EPHA5: variants seen among roughly 807,000 people sequenced by gnomAD.
EPHA5 encodes the protein EPH receptor A5.
In EPHA5, 60 loss-of-function variants were observed where a neutral mutation model predicts 105.0. The ratio of observed to expected loss-of-function variants is 0.57; its 90% CI spans 0.46 to 0.71. The LOEUF (loss-of-function observed/expected upper bound fraction) is 0.71. Among genes scored for constraint, EPHA5 ranks in the 30% least tolerant of loss-of-function variants. The probability of loss-of-function intolerance (pLI) is 0.00; values close to 1 mark genes in which losing one functional copy is unlikely to be tolerated. For missense variants in EPHA5, 1,218 were observed against 1,274.7 expected (o/e 0.96, Z 0.68); for synonymous variants, 513 against 449.1 (o/e 1.14, Z -1.80).
intron 3 of EPHA5, among the ~76,000 whole-genome samples, chr4:65,596,303 G>C (rs1743178670): frequency 6.6e-6 from 1 of 152,128 alleles, no homozygotes. Flanking sequence ...ATTTTTGACT[G>C]TGAAAATGGG....
chr4:65,534,781 T>C (rs922454245), intron 3 of EPHA5, among the ~76,000 whole-genome samples: 5 of 152,210 alleles, frequency 3.3e-5, no homozygotes, highest in Non-Finnish European at 5.9e-5. Flanking sequence ...TAGATTATTC[T>C]AGATGAGAGA....
rs570055094 is a variant in EPHA5 at position 65,574,144 on chromosome 4, A to G, written c.910+27497T>C. The G allele has an allele frequency of 5.7e-4, 920 of 1,607,892 alleles. 1 individual carries two copies. The highest frequency in any genetic ancestry group is 5.0e-4 in the Non-Finnish European group (583 of 1,175,644). ...AAGCAGCTGCGGAAGCCCAGACACC[A>G]GGAAGGTGAGATCTTCGACACAGAA... On this transcript the variant is annotated intron_variant, in intron 3 of 16. Coordinates refer to ENST00000613740, the MANE Select transcript of EPHA5 (RefSeq NM_001281766.3).
At chr4:65,379,993 T>A (rs1449258382) in intron 8 of EPHA5, among the ~76,000 whole-genome samples, 1 of 151,766 alleles carries the variant, frequency 6.6e-6, no homozygotes, top group Middle Eastern at 3.2e-3. Context: ...CAGCTTGACA[T>A]CAGATGGTAT....
chr4:65,643,589 G>A (rs938914196), intron 1 of EPHA5, among the ~76,000 whole-genome samples, 162 bp from the exon 2 acceptor site: 1 of 151,738 alleles, frequency 6.6e-6, no homozygotes, highest in Non-Finnish European at 1.5e-5. Flanking sequence ...ATATATTGAT[G>A]CAGGAGAACA....
chr4:65,432,006 G>T (rs1161932367), intron 5 of EPHA5, among the ~76,000 whole-genome samples: 1 of 152,060 alleles, frequency 6.6e-6, no homozygotes, highest in Non-Finnish European at 1.5e-5. Flanking sequence ...TAGAATATTA[G>T]TTTCTCAAAA....
At chr4:65,403,743 AT>A (rs2148988667) in intron 8 of EPHA5, among the ~76,000 whole-genome samples, 1 of 152,196 alleles carries the variant, frequency 6.6e-6, no homozygotes, top group Admixed American at 6.5e-5. Flanking sequence ...AAAATGAAAA[AT>A]GTAGATATGT....
chr4:65,623,812 A>G (rs1219734135), intron 2 of EPHA5, among the ~76,000 whole-genome samples: 1 of 152,220 alleles, frequency 6.6e-6, no homozygotes, highest in African/African-American at 2.4e-5. Context: ...TGAGGAATTC[A>G]CATGAAAGAT....
At chr4:65,509,005 C>T (rs1733340625) in intron 3 of EPHA5, among the ~76,000 whole-genome samples, 1 of 152,058 alleles carries the variant, frequency 6.6e-6, no homozygotes, top group Non-Finnish European at 1.5e-5. Flanking sequence ...ATGTTCAGTG[C>T]AAATCTATAA....
chr4:65,427,208 G>T (rs866051899), intron 5 of EPHA5, among the ~76,000 whole-genome samples: 32 of 110,040 alleles, frequency 2.9e-4, no homozygotes, highest in Admixed American at 8.4e-4. Context: ...TTTTTGAGAT[G>T]GAGTCTTGCT....
At chr4:65,584,508 A>G (rs1741932307) in intron 3 of EPHA5, among the ~76,000 whole-genome samples, 1 of 151,942 alleles carries the variant, frequency 6.6e-6, no homozygotes, top group African/African-American at 2.4e-5. Flanking sequence ...GTGACAAAGC[A>G]TAACCTAAAC....
intron 3 of EPHA5, among the ~76,000 whole-genome samples, chr4:65,514,982 T>G (rs1015124393): frequency 1.3e-5 from 2 of 152,166 alleles, no homozygotes; most frequent in Non-Finnish European, 2.9e-5. Context: ...AACGTTGTGA[T>G]TATCAATAGC....
intron 5 of EPHA5, among the ~76,000 whole-genome samples, chr4:65,426,864 A>G (rs757013011): frequency 6.6e-6 from 1 of 152,276 alleles, no homozygotes; most frequent in South Asian, 2.1e-4. Flanking sequence ...GCACAGCACA[A>G]TATAGGTAGA....
chr4:65,417,380 AT>A (rs758288594), intron 6 of EPHA5, among the ~76,000 whole-genome samples: 8 of 152,014 alleles, frequency 5.3e-5, no homozygotes, highest in Admixed American at 2.0e-4. Flanking sequence ...CTCATAATCC[AT>A]TTTTTTTATA....
intron 5 of EPHA5, among the ~76,000 whole-genome samples, chr4:65,489,148 C>A (rs1000503819): frequency 2.6e-5 from 4 of 152,060 alleles, no homozygotes; most frequent in Admixed American, 6.5e-5. Flanking sequence ...CCACCCATCT[C>A]GGCCTCCCAA....
At chr4:65,471,120 G>C (rs1013273658) in intron 5 of EPHA5, among the ~76,000 whole-genome samples, 1 of 152,184 alleles carries the variant, frequency 6.6e-6, no homozygotes, top group Non-Finnish European at 1.5e-5. Context: ...TGAATCTGCT[G>C]TGATTCTGGG....
chr4:65,444,471 A>C (rs1416336497), intron 5 of EPHA5, among the ~76,000 whole-genome samples: 1 of 152,164 alleles, frequency 6.6e-6, no homozygotes, highest in Admixed American at 6.5e-5. Context: ...TGCACAGTAC[A>C]CTGATAGAAG....
intron 10 of EPHA5, 115 bp downstream of exon 10, chr4:65,365,817 A>G (rs1035614137): frequency 2.4e-5 from 26 of 1,083,000 alleles, no homozygotes; most frequent in Non-Finnish European, 3.4e-5. Context: ...TATCACTTTG[A>G]ATGCAAGCCA....
At chr4:65,504,383 G>T (rs201475258) in intron 3 of EPHA5, among the ~76,000 whole-genome samples, 18 of 139,130 alleles carry the variant, frequency 1.3e-4, no homozygotes, top group East Asian at 4.4e-4. Flanking sequence ...TATATATATA[G>T]ATAGAACAAA....
chr4:65,439,702 C>A (rs1010188233), intron 5 of EPHA5, among the ~76,000 whole-genome samples: 1 of 152,044 alleles, frequency 6.6e-6, no homozygotes, highest in African/African-American at 2.4e-5. Context: ...AATTCATGAT[C>A]TCTATCAAAA....
Sources: allele counts gnomAD v4.1 joint callset (sites outside exome capture counted in the v4.1 genomes callset), GRCh38; gene constraint gnomAD v4.1.1; transcripts MANE v1.5; gene names NCBI Gene and HGNC (gene_info 2026-07-23, HGNC 2026-07-21).